The following EPHA4 variants were observed in gnomAD, a reference collection of about 807,000 sequenced individuals.
EPHA4 encodes the protein ephrin type-A receptor 4.
A neutral mutation model predicts 108.3 loss-of-function variants in EPHA4; 19 were observed. The ratio of observed to expected loss-of-function variants is 0.18; its 90% CI spans 0.12 to 0.26. The LOEUF (loss-of-function observed/expected upper bound fraction) is 0.26. EPHA4 is among the 10% of genes least tolerant of loss of function. EPHA4 has a pLI of 1.00. For synonymous variants in EPHA4, 449 were observed against 455.5 expected (o/e 0.99, Z 0.18); for missense variants, 917 against 1,254.0 (o/e 0.73, Z 4.06).
intron 11 of EPHA4, 183 bp from the exon 12 acceptor site, chr2:221,437,305 G>C (rs1447383748): frequency 1.2e-5 from 6 of 508,564 alleles, no homozygotes; most frequent in Non-Finnish European, 1.7e-5. Flanking sequence ...AGGACGAGTA[G>C]GTTTAAATTC....
At chr2:221,474,480 T>G (rs1270409581) in intron 5 of EPHA4, among the ~76,000 whole-genome samples, 1 of 151,482 alleles carries the variant, frequency 6.6e-6, no homozygotes, top group African/African-American at 2.4e-5. Flanking sequence ...ATAGGCCTTA[T>G]GAAGTAAACC....
intron 3 of EPHA4, among the ~76,000 whole-genome samples, chr2:221,533,266 A>G (rs1693573319): frequency 6.6e-6 from 1 of 152,164 alleles, no homozygotes. Flanking sequence ...GTTGTTGTTG[A>G]TCAAAATGTG....
At chr2:221,561,242 AAAATAAATAAAT>A (rs61027528) in intron 3 of EPHA4, among the ~76,000 whole-genome samples, 15 of 151,080 alleles carry the variant, frequency 9.9e-5, no homozygotes, top group South Asian at 2.1e-4. Flanking sequence ...ACTCCATCTC[AAAATAAATAAAT>A]AAATAAATAA....
chr2:221,453,947 C>A (rs1012115993), intron 8 of EPHA4, among the ~76,000 whole-genome samples: 2 of 152,064 alleles, frequency 1.3e-5, no homozygotes, highest in African/African-American at 4.8e-5. Context: ...GAGGCCGAGG[C>A]AGGCGGATCA....
At position 221,568,738 on chromosome 2, in the gene EPHA4, C is replaced by T. The variant is rs773695596; in HGVS notation, c.139G>A (p.Ala47Thr). 75 of 1,613,674 alleles carry T rather than the reference C, an allele frequency of 4.6e-5. No individual in the cohort carries two copies. The highest frequency in any genetic ancestry group is 5.8e-5 in the Non-Finnish European group (68 of 1,179,894). ...RSVQGELGWI[A>T]SPLEGGWEEV... ...CTTACCCCTCCTTCCAGAGGGCTTG[C>T]TATCCACCCAAGTTCTCCCTGAACA... is the stretch of plus-strand genomic sequence containing the variant. The change falls in exon 2 of 18, where the codon GCA becomes ACA. Residue 47 changes from alanine (A) to threonine (T), a missense_variant. By Grantham distance (58) the Ala-to-Thr change is moderately conservative (BLOSUM62 0). Around this residue, in one of 3 missense-constraint regions of EPHA4, gnomAD observed 758 missense variants for 1,076.7 expected, o/e 0.70. Transcript: ENST00000281821.
intron 13 of EPHA4, among the ~76,000 whole-genome samples, chr2:221,435,101 C>T (rs1191555325): frequency 6.6e-6 from 1 of 152,096 alleles, no homozygotes; most frequent in Non-Finnish European, 1.5e-5. Context: ...ATCCCCAGGG[C>T]TATCATTTAA....
At chr2:221,512,546 T>G (rs1392721442) in intron 3 of EPHA4, among the ~76,000 whole-genome samples, 1 of 152,182 alleles carries the variant, frequency 6.6e-6, no homozygotes, top group East Asian at 1.9e-4. Context: ...CCCTTTGATA[T>G]TTGGGGTACA....
chr2:221,554,200 C>T (rs1215671503), intron 3 of EPHA4, among the ~76,000 whole-genome samples: 1 of 152,192 alleles, frequency 6.6e-6, no homozygotes, highest in Non-Finnish European at 1.5e-5. Flanking sequence ...TCCTAATAAT[C>T]CATCCCAAAT....
At chr2:221,453,309 T>C (rs1449027655) in intron 8 of EPHA4, among the ~76,000 whole-genome samples, 1 of 152,226 alleles carries the variant, frequency 6.6e-6, no homozygotes, top group Non-Finnish European at 1.5e-5. Context: ...AGATTATTTC[T>C]GTATACTGTG....
At chr2:221,569,920 G>A (rs1694776423) in intron 1 of EPHA4, among the ~76,000 whole-genome samples, 1 of 152,096 alleles carries the variant, frequency 6.6e-6, no homozygotes, top group African/African-American at 2.4e-5. Context: ...AATTCCTGGG[G>A]TCTGTTAATG....
intron 15 of EPHA4, among the ~76,000 whole-genome samples, chr2:221,427,002 C>A (rs150425514): frequency 6.6e-6 from 1 of 152,268 alleles, no homozygotes; most frequent in African/African-American, 2.4e-5. Flanking sequence ...TACAGACTTT[C>A]GTTCAGCAAC....
intron 3 of EPHA4, among the ~76,000 whole-genome samples, chr2:221,525,618 G>A (rs1693300507): frequency 6.6e-6 from 1 of 152,190 alleles, no homozygotes; most frequent in Admixed American, 6.5e-5. Context: ...TTAACTCTCA[G>A]CTGTGGCTTC....
chr2:221,569,512 G>A (rs1694763645), intron 1 of EPHA4: 1 of 152,234 alleles, frequency 6.6e-6, no homozygotes, highest in Non-Finnish European at 1.5e-5. Flanking sequence ...CGGCTTTAGT[G>A]TGCTTGTGCT....
At chr2:221,438,774 G>A (rs1178282094) in intron 11 of EPHA4, among the ~76,000 whole-genome samples, 1 of 150,948 alleles carries the variant, frequency 6.6e-6, no homozygotes, top group Non-Finnish European at 1.5e-5. Flanking sequence ...GACAGAGTGA[G>A]AGTCATTCTA....
chr2:221,423,150 G>A (rs568699823), intron 17 of EPHA4, among the ~76,000 whole-genome samples: 60 of 152,270 alleles, frequency 3.9e-4, no homozygotes, highest in African/African-American at 1.4e-3. Context: ...AGCTCACCGT[G>A]TTTTACTTAA....
chr2:221,538,158 AG>A (rs895237830), intron 3 of EPHA4, among the ~76,000 whole-genome samples: 30 of 152,328 alleles, frequency 2.0e-4, no homozygotes, highest in African/African-American at 2.2e-4. Flanking sequence ...ATGTATGAGT[AG>A]GGTTATAAGT....
At chr2:221,499,015 T>C (rs1400823369) in intron 4 of EPHA4, among the ~76,000 whole-genome samples, 1 of 151,392 alleles carries the variant, frequency 6.6e-6, no homozygotes, top group East Asian at 1.9e-4. Context: ...GGTCTTGAAC[T>C]CCTGACCTCA....
chr2:221,437,044 A>T lies in EPHA4; in HGVS notation c.2136+17T>A, dbSNP rs1248808940. 3 of 1,585,554 alleles carry T rather than the reference A, an allele frequency of 1.9e-6. No individual in the cohort carries two copies. Among genetic ancestry groups the T allele is most frequent in the Non-Finnish European group, 2.6e-6 (3 of 1,155,238 alleles). Reference sequence around the variant, plus strand: ...AAATACCAACATTCTTGGGTTTAATATAAAGTAGTCACATACCCTGAGGAA... The same window carrying T: ...AAATACCAACATTCTTGGGTTTAATTTAAAGTAGTCACATACCCTGAGGAA... On this transcript the variant is annotated intron_variant, in intron 12 of 17. Transcript: ENST00000281821.
At chr2:221,470,405 T>A (rs1691444924) in intron 5 of EPHA4, among the ~76,000 whole-genome samples, 1 of 151,786 alleles carries the variant, frequency 6.6e-6, no homozygotes, top group Non-Finnish European at 1.5e-5. Context: ...AGACTCCTCA[T>A]GTTTCTTATT....
Sources: allele counts gnomAD v4.1 joint callset (sites outside exome capture counted in the v4.1 genomes callset), GRCh38; gene constraint gnomAD v4.1.1; regional missense constraint gnomAD v4.1.1; transcripts MANE v1.5; gene names NCBI Gene and HGNC (gene_info 2026-07-23, HGNC 2026-07-21).